The following ABCG1 variants were observed in gnomAD, a reference collection of about 807,000 sequenced individuals.
ABCG1 encodes ATP binding cassette subfamily G member 1.
Under a neutral mutation model 69.2 loss-of-function variants are expected in ABCG1, and 29 were observed. The observed-to-expected ratio is 0.42, with a 90% CI of 0.31 to 0.57. The LOEUF (loss-of-function observed/expected upper bound fraction) is 0.57. ABCG1 is among the 20% of genes least tolerant of loss of function. The pLI is 0.15. For synonymous variants in ABCG1, 370 were observed against 374.8 expected, an observed-to-expected ratio of 0.99 and a Z score of 0.15; for missense variants, 718 against 898.1, an observed-to-expected ratio of 0.80 and a Z score of 2.56.
chr21:42,226,690 A>C (rs2067822264), intron 2 of ABCG1, among the ~76,000 whole-genome samples: 1 of 151,754 alleles, frequency 6.6e-6, no homozygotes, highest in South Asian at 2.1e-4. Flanking sequence ...CTTATGCTCC[A>C]AGCACTCATT....
intron 2 of ABCG1, among the ~76,000 whole-genome samples, chr21:42,230,795 CT>C (rs1016157773): frequency 6.6e-6 from 1 of 152,214 alleles, no homozygotes; most frequent in African/African-American, 2.4e-5. Flanking sequence ...GATAGCCGTT[CT>C]TCAATCCATT....
chr21:42,282,230 C>T, intron 5 of ABCG1, 44 bp from the exon 6 acceptor site: 1 of 1,592,584 alleles, frequency 6.3e-7, no homozygotes, highest in Non-Finnish European at 8.6e-7. Context: ...AGGTGGTGAG[C>T]TTTGGCGGGC....
chr21:42,222,488 C>T, intron 1 of ABCG1, among the ~76,000 whole-genome samples: 1 of 152,210 alleles, frequency 6.6e-6, no homozygotes, highest in East Asian at 1.9e-4. Flanking sequence ...GAAACACCCA[C>T]AACTCACCCG....
intron 4 of ABCG1, among the ~76,000 whole-genome samples, chr21:42,274,671 C>T (rs1197483395): frequency 6.6e-6 from 1 of 152,066 alleles, no homozygotes; most frequent in Non-Finnish European, 1.5e-5. Flanking sequence ...GATGGGGTTT[C>T]ACTATGTTGG....
rs1187425634 is a variant in ABCG1 at position 42,273,175 on chromosome 21, G to A, written c.405-128G>A. ...TCCCTTTCTGCCCCTCGGGGTCCCC[G>A]TGGCCAGTGGTTCAGCTGGGAAGAT... On this transcript the variant is annotated intron_variant, in intron 3 of 14. Coordinates refer to ENST00000398449, the MANE Select transcript of ABCG1 (RefSeq NM_016818.3). The surrounding 1 kb of genome is among the most constrained non-coding windows in gnomAD (Gnocchi z 5.3). 11 of 1,336,862 alleles carry A rather than the reference G, an allele frequency of 8.2e-6. No homozygotes were observed. The highest frequency in any genetic ancestry group is 4.2e-5 in the South Asian group (3 of 71,268). The allele number at this position is 1,336,862 out of a possible 1,614,324, so 82.8% of individuals were successfully genotyped here. A position where few individuals can be genotyped will look rare whatever the true frequency, so the allele number is the denominator to read the frequency against.
upstream of ABCG1, among the ~76,000 whole-genome samples, chr21:42,218,121 A>G (rs995639174): frequency 6.6e-6 from 1 of 152,206 alleles, no homozygotes; most frequent in Non-Finnish European, 1.5e-5. Flanking sequence ...TGGCATAAAA[A>G]GCTGTGCCTC....
intron 13 of ABCG1, among the ~76,000 whole-genome samples, chr21:42,292,123 G>C (rs968092682): frequency 1.3e-5 from 2 of 150,832 alleles, no homozygotes; most frequent in African/African-American, 4.9e-5. Flanking sequence ...CCTGCCCCCC[G>C]ACCTGCCGCC....
chr21:42,259,625 T>C, intron 2 of ABCG1: 2 of 1,439,018 alleles, frequency 1.4e-6, no homozygotes, highest in Admixed American at 5.8e-5. Context: ...CTGTCACTCA[T>C]TTGATAAAAA....
Position 42,296,611 on chromosome 21 carries a change from A to T in ABCG1, c.*219A>T. 1.8e-6 allele frequency: 1 copy of T among 542,854 alleles called. No homozygotes were observed. The highest frequency in any genetic ancestry group is 3.3e-6 in the Non-Finnish European group (1 of 303,800). The allele number at this position is 542,854 out of a possible 1,614,324, so 33.6% of individuals were successfully genotyped here. A position where few individuals can be genotyped will look rare whatever the true frequency, so the allele number is the denominator to read the frequency against. ...TTTCTAGCTTTAACTAGGAAGATGT[A>T]GGCAGATTGGTGGTTTTTTTTTTTT... On this transcript the variant is annotated 3_prime_UTR_variant, in exon 15 of 15. Transcript: ENST00000398449. The surrounding 1 kb of genome is among the most constrained non-coding windows in gnomAD (Gnocchi z 5.4).
chr21:42,215,989 A>G (rs1300931702), upstream of ABCG1: 3 of 239,048 alleles, frequency 1.3e-5, no homozygotes, highest in Non-Finnish European at 2.6e-5. Context: ...TGTTGTAGGA[A>G]GGACCTGGTC....
At chr21:42,210,165 G>A (rs902077988) in intron 2 of ABCG1, among the ~76,000 whole-genome samples, 1 of 152,160 alleles carries the variant, frequency 6.6e-6, no homozygotes, top group Non-Finnish European at 1.5e-5. Flanking sequence ...CTCCCTCTTA[G>A]GGTCCAGGAA....
intron 13 of ABCG1, among the ~76,000 whole-genome samples, chr21:42,293,287 GTACACACCACACACAC>G (rs773499276): frequency 0.042 from 3,489 of 84,020 alleles, 70 homozygotes; most frequent in Admixed American, 0.043. Flanking sequence ...ACACTACACA[GTACACACCACACACAC>G]TACACACCAC....
chr21:42,286,293 A>T (rs1414486633), intron 8 of ABCG1, among the ~76,000 whole-genome samples: 1 of 152,172 alleles, frequency 6.6e-6, no homozygotes, highest in Non-Finnish European at 1.5e-5. Flanking sequence ...AGGATGATTC[A>T]TCTCAAGATC....
rs1301894149 is a variant in ABCG1 at position 42,219,955 on chromosome 21, A to G, written c.42+651A>G. The stretch of plus-strand genomic sequence containing the variant: ...CTTTCTGCGCGCGCCGGAGAGAGAG[A>G]CGCGGTGGGGACAGGGATGCGCATT... On this transcript the variant is annotated intron_variant, in intron 1 of 14. Transcript: ENST00000398449. This position sits in a 1 kb window ranked among gnomAD's most constrained non-coding sequence, Gnocchi z 5.3. The G allele has an allele frequency of 6.5e-7, 1 of 1,545,384 alleles. No individual in the cohort carries two copies. Among genetic ancestry groups the G allele is most frequent in the South Asian group, 1.2e-5 (1 of 83,808 alleles).
At position 42,271,077 on chromosome 21, in the gene ABCG1, G is replaced by A; in HGVS notation, c.294G>A (p.Lys98=). 6.5e-7 allele frequency: 1 copy of A among 1,543,742 alleles called. No individual in the cohort carries two copies. The highest frequency in any genetic ancestry group is 8.7e-7 in the Non-Finnish European group (1 of 1,149,444). The part of the protein sequence containing the change: ...EGPWWRKKGY[K]TLLKGISGKF... ...TGATCTGCTTTTTTGCAGGATACAAGACCCTCCTGAAAGGAATTTCCGGGA... is the reference window on the plus strand; with the variant it reads ...TGATCTGCTTTTTTGCAGGATACAAAACCCTCCTGAAAGGAATTTCCGGGA... Residue 98 remains lysine (K), a synonymous_variant, in exon 3 of 15, where the codon AAG becomes AAA. Coordinates refer to ENST00000398449, the MANE Select transcript of ABCG1 (RefSeq NM_016818.3).
In ABCG1 at chr21:42,219,861, C is replaced by T; in HGVS notation, c.42+557C>T. The T allele has an allele frequency of 6.5e-7, 1 of 1,530,948 alleles. No individual in the cohort carries two copies. Among genetic ancestry groups the T allele is most frequent in the Non-Finnish European group, 8.8e-7 (1 of 1,140,192 alleles). The allele number at this position is 1,530,948 out of a possible 1,614,324, so 94.8% of individuals were successfully genotyped here. The stretch of plus-strand genomic sequence containing the variant: ...TCCCGGGGACACCCTCTCCCGGACC[C>T]ACTCGGGGAGGCGGCGGCGAAGGCC... On this transcript the variant is annotated intron_variant, in intron 1 of 14. Coordinates refer to ENST00000398449, the MANE Select transcript of ABCG1 (RefSeq NM_016818.3). The surrounding 1 kb of genome is among the most constrained non-coding windows in gnomAD (Gnocchi z 5.3).
chr21:42,219,830 C>T lies in ABCG1; in HGVS notation c.42+526C>T. On this transcript the variant is annotated intron_variant, in intron 1 of 14. Transcript: ENST00000398449. This position sits in a 1 kb window ranked among gnomAD's most constrained non-coding sequence, Gnocchi z 5.3. ...GCCCCCAGAGAGCCGGAGCCTGCGA[C>T]TGCACTCCCGGGGACACCCTCTCCC... The T allele has an allele frequency of 6.8e-7, 1 of 1,470,562 alleles. No homozygotes were observed. Among genetic ancestry groups the T allele is most frequent in the Non-Finnish European group, 9.0e-7 (1 of 1,113,598 alleles). The allele number at this position is 1,470,562 out of a possible 1,614,324, so 91.1% of individuals were successfully genotyped here.
intron 2 of ABCG1, among the ~76,000 whole-genome samples, chr21:42,267,978 G>A (rs942705151): frequency 2.6e-5 from 4 of 152,032 alleles, no homozygotes; most frequent in Non-Finnish European, 5.9e-5. Flanking sequence ...TCTAGTCTGC[G>A]GCTCTGGTCT....
chr21:42,216,722 T>C (rs2067644926), upstream of ABCG1, among the ~76,000 whole-genome samples: 1 of 152,218 alleles, frequency 6.6e-6, no homozygotes, highest in Admixed American at 6.5e-5. Context: ...CGAACCTTTC[T>C]GTACTTAGCT....
Sources: gnomAD v4.1 joint callset for allele counts (sites outside exome capture counted in the v4.1 genomes callset) on GRCh38, gnomAD v4.1.1 for gene constraint, Gnocchi (gnomAD v3.1) non-coding constraint, MANE v1.5 for transcripts, NCBI Gene and HGNC (gene_info 2026-07-23, HGNC 2026-07-21) for gene names.